The following OPHN1 variants were observed in gnomAD, a reference collection of about 807,000 sequenced individuals.
The protein encoded by OPHN1 is oligophrenin-1.
A neutral mutation model predicts 60.7 loss-of-function variants in OPHN1; 11 were observed. That is an observed-to-expected ratio of 0.18 (90% CI 0.11 to 0.30). The LOEUF (loss-of-function observed/expected upper bound fraction) is 0.30. Among genes scored for constraint, OPHN1 ranks in the 10% least tolerant of loss-of-function variants. The pLI is 1.00. For missense variants in OPHN1, 449 were observed against 611.0 expected (o/e 0.73, Z 2.80); for synonymous variants, 226 against 222.6 (o/e 1.02, Z -0.14).
intron 5 of OPHN1, among the ~76,000 whole-genome samples, chrX:68,250,144 C>A (rs2077826295): frequency 8.9e-6 from 1 of 112,123 alleles, no homozygotes; most frequent in African/African-American, 3.2e-5. Context: ...CTATGTTAGA[C>A]AGAAATGGCA....
chrX:68,331,165 TTA>T (rs758052064), intron 2 of OPHN1, among the ~76,000 whole-genome samples: 5 of 106,034 alleles, frequency 4.7e-5, no homozygotes, highest in African/African-American at 1.3e-4. Flanking sequence ...CTTGTATAAT[TTA>T]TATATGATTA....
At chrX:68,377,649 C>T (rs1388633562) in intron 2 of OPHN1, among the ~76,000 whole-genome samples, 1 of 107,895 alleles carries the variant, frequency 9.3e-6, no homozygotes, top group Non-Finnish European at 1.9e-5. Flanking sequence ...TCTCATTGTT[C>T]AATTCCCACC....
chrX:68,076,559 T>C, intron 19 of OPHN1, among the ~76,000 whole-genome samples: 1 of 112,084 alleles, frequency 8.9e-6, no homozygotes, highest in East Asian at 2.8e-4. Context: ...ACATGAGTTT[T>C]ACAGTCTCTT....
intron 5 of OPHN1, among the ~76,000 whole-genome samples, chrX:68,251,904 T>C (rs1243074053): frequency 8.9e-6 from 1 of 112,326 alleles, no homozygotes; most frequent in Non-Finnish European, 1.9e-5. Flanking sequence ...TGTATCCATG[T>C]ACTCTGCCAT....
intron 2 of OPHN1, among the ~76,000 whole-genome samples, chrX:68,375,603 G>T (rs974072885): frequency 4.5e-5 from 5 of 111,042 alleles, no homozygotes; most frequent in Non-Finnish European, 7.5e-5. Context: ...CTATGTAGAT[G>T]CAGGGTCTTC....
At chrX:68,353,172 G>A (rs2078421792) in intron 2 of OPHN1, among the ~76,000 whole-genome samples, 1 of 108,812 alleles carries the variant, frequency 9.2e-6, no homozygotes, top group South Asian at 4.0e-4. Context: ...AAAAAAAGAA[G>A]GTGCATTAAG....
intron 5 of OPHN1, among the ~76,000 whole-genome samples, chrX:68,262,599 C>T (rs926894005): frequency 1.1e-4 from 12 of 111,967 alleles, no homozygotes; most frequent in Admixed American, 1.0e-3. Flanking sequence ...GCCTGACCAA[C>T]ATGGAGAAAC....
intron 6 of OPHN1, among the ~76,000 whole-genome samples, chrX:68,219,519 C>T (rs1426619987): frequency 9.2e-6 from 1 of 108,747 alleles, no homozygotes; most frequent in Non-Finnish European, 1.9e-5. Context: ...AAATTGACCA[C>T]ATAGTTGGAA....
intron 2 of OPHN1, among the ~76,000 whole-genome samples, chrX:68,380,735 T>C (rs1470139335): frequency 9.0e-6 from 1 of 110,964 alleles, no homozygotes; most frequent in East Asian, 2.8e-4. Flanking sequence ...TGTAGTAGAG[T>C]GGTTTTGAGT....
chrX:68,129,506 T>C (rs773920545), intron 15 of OPHN1, among the ~76,000 whole-genome samples: 10 of 111,928 alleles, frequency 8.9e-5, no homozygotes, highest in Admixed American at 7.6e-4. Flanking sequence ...TGTCTAAATA[T>C]TGCTAAGCCA....
chrX:68,383,139 TAGAC>T (rs1181234797), intron 2 of OPHN1, among the ~76,000 whole-genome samples: 16 of 110,113 alleles, frequency 1.5e-4, no homozygotes, highest in South Asian at 3.9e-4. Flanking sequence ...CTGGACAACA[TAGAC>T]AGACTCCATC....
intron 2 of OPHN1, among the ~76,000 whole-genome samples, chrX:68,335,835 C>A (rs756159854): frequency 9.0e-6 from 1 of 111,375 alleles, no homozygotes; most frequent in South Asian, 3.8e-4. Context: ...GAGGCTGAGG[C>A]AGAAGAATCA....
rs139510729 is a variant in OPHN1, at chrX:68,097,998, T to C, written c.1527-969A>G. Among the ~76,000 whole-genome samples the C allele has an allele frequency of 4.7e-4, 52 of 111,405 alleles. No individual in the cohort carries two copies. In the East Asian group the frequency reaches 0.014, roughly 30 times the overall value. Reference sequence around the variant, plus strand: ...GGAGCCTTCAGGTACTGCTGACCTCTGACACTCTTGTTATACTAAACTGCT... The same window carrying C: ...GGAGCCTTCAGGTACTGCTGACCTCCGACACTCTTGTTATACTAAACTGCT... On this transcript the variant is annotated intron_variant, in intron 18 of 24. Coordinates refer to ENST00000355520, the MANE Select transcript of OPHN1 (RefSeq NM_002547.3).
In OPHN1 at chrX:68,395,278, GTT is replaced by G. The variant is rs1335929802; in HGVS notation, c.154+37587_154+37588del. On this transcript the variant is annotated intron_variant, in intron 2 of 24. Coordinates refer to ENST00000355520, the MANE Select transcript of OPHN1 (RefSeq NM_002547.3). ...GGCCTTGTTTTTTTGTTTTTGTTTT[GTT>G]TTGTTTGAGAAAGGGTCTTGTTCTG... is the stretch of plus-strand genomic sequence containing the variant. Among the ~76,000 whole-genome samples the G allele has an allele frequency of 4.6e-5, 5 of 108,220 alleles. No individual in the cohort carries two copies. In the East Asian group the frequency reaches 1.5e-3, roughly 32 times the overall value. The allele number at this position is 108,220 out of a possible 115,157, so 94.0% of individuals were successfully genotyped here.
intron 15 of OPHN1, among the ~76,000 whole-genome samples, chrX:68,168,486 T>C (rs1182144632): frequency 9.0e-6 from 1 of 111,097 alleles, no homozygotes; most frequent in Non-Finnish European, 1.9e-5. Flanking sequence ...CCAGAATCTC[T>C]GGGACACATT....
intron 2 of OPHN1, among the ~76,000 whole-genome samples, chrX:68,399,032 G>A (rs778276880): frequency 9.2e-6 from 1 of 108,587 alleles, no homozygotes; most frequent in Non-Finnish European, 1.9e-5. Flanking sequence ...CCACAAAACT[G>A]GTCCTCTCCA....
Position 68,170,338 on chromosome X carries a change from T to A in OPHN1, c.1276+22581A>T, listed in dbSNP as rs771427923. Among the ~76,000 whole-genome samples the A allele has an allele frequency of 2.8e-3, 298 of 106,067 alleles. 1 individual carries two copies. Among genetic ancestry groups the A allele is most frequent in the African/African-American group, 9.9e-3 (281 of 28,495 alleles). The allele number at this position is 106,067 out of a possible 115,157, so 92.1% of individuals were successfully genotyped here. ...AACACTTTTACACTGTTGGTGGGAC[T>A]GTAAACTAGTTCAACCCTTGTGGAA... On this transcript the variant is annotated intron_variant, in intron 15 of 24. Coordinates refer to ENST00000355520, the MANE Select transcript of OPHN1 (RefSeq NM_002547.3).
chrX:68,070,717 T>C, intron 20 of OPHN1: 2 of 1,097,441 alleles, frequency 1.8e-6, no homozygotes, highest in Non-Finnish European at 2.5e-6. Context: ...ATGAGGGCTT[T>C]GGTTCCCTGG....
intron 2 of OPHN1, among the ~76,000 whole-genome samples, chrX:68,345,120 AT>A (rs34461159): frequency 8.9e-6 from 1 of 112,299 alleles, no homozygotes; most frequent in Admixed American, 9.5e-5. Context: ...TGTAATTTCC[AT>A]TTTTTCAAAT....
Sources: allele counts gnomAD v4.1 joint callset (sites outside exome capture counted in the v4.1 genomes callset), GRCh38; gene constraint gnomAD v4.1.1; transcripts MANE v1.5; gene names NCBI Gene and HGNC (gene_info 2026-07-23, HGNC 2026-07-21).